The following ZNF282 variants were observed in gnomAD, a reference collection of about 807,000 sequenced individuals.
The protein encoded by ZNF282 is HTLV-I U5 repressive element-binding protein 1.
In ZNF282, 30 loss-of-function variants were observed where a neutral mutation model predicts 61.9. The observed-to-expected ratio is 0.48, with a 90% CI of 0.36 to 0.66. The LOEUF is 0.66. Among genes scored for constraint, ZNF282 ranks in the 30% least tolerant of loss-of-function variants. The pLI is 0.00. For synonymous variants in ZNF282, 396 were observed against 405.0 expected, an observed-to-expected ratio of 0.98 and a Z score of 0.27; for missense variants, 788 against 941.4, an observed-to-expected ratio of 0.84 and a Z score of 2.13.
chr7:149,210,469 G>C lies in ZNF282; in HGVS notation c.833-116G>C, dbSNP rs1426198598. 4 of 1,522,346 alleles carry C rather than the reference G, an allele frequency of 2.6e-6. No homozygotes were observed. In the Admixed American group the frequency reaches 8.1e-5, roughly 31 times the overall value. 94.3% of individuals were successfully genotyped at this position (1,522,346 alleles called of 1,614,324 possible). On this transcript the variant is annotated intron_variant, in intron 4 of 7. Coordinates refer to ENST00000610704, the MANE Select transcript of ZNF282 (RefSeq NM_003575.4). ...CATGCTTCTGAGCCCAGAATGTCCT[G>C]GTGACCAGCATGCAGAAAAAAAGAC...
At chr7:149,212,116 C>A (rs980793971) in intron 5 of ZNF282, among the ~76,000 whole-genome samples, 2 of 152,172 alleles carry the variant, frequency 1.3e-5, no homozygotes, top group African/African-American at 4.8e-5. Context: ...TCCTGCAGCA[C>A]AGAAAGGCTC....
intron 7 of ZNF282, among the ~76,000 whole-genome samples, chr7:149,220,923 T>TG (rs1554471496): frequency 6.0e-5 from 4 of 66,878 alleles, no homozygotes; most frequent in East Asian, 6.9e-4. Flanking sequence ...GAGGGTTTTT[T>TG]TTTTTTTTTT....
rs1220328635 is a variant in ZNF282 at position 149,223,855 on chromosome 7, A to C, written c.1224A>C (p.Pro408=). Residue 408 remains proline (P), a synonymous_variant, in exon 8 of 8, where the codon CCA becomes CCC. Coordinates refer to ENST00000610704, the MANE Select transcript of ZNF282 (RefSeq NM_003575.4). ...LMVKNPPPAP[P]QPQPQPQPPQ... Reference sequence around the variant, plus strand: ...TGAAGAACCCACCCCCGGCCCCGCCACAGCCCCAGCCCCAGCCCCAGCCAC... The same window carrying C: ...TGAAGAACCCACCCCCGGCCCCGCCCCAGCCCCAGCCCCAGCCCCAGCCAC... The C allele has an allele frequency of 1.7e-5, 22 of 1,292,538 alleles. No homozygotes were observed. The highest frequency in any genetic ancestry group is 1.1e-4 in the African/African-American group (7 of 63,940). The allele number at this position is 1,292,538 out of a possible 1,614,324, so 80.1% of individuals were successfully genotyped here. A position where few individuals can be genotyped will look rare whatever the true frequency, so the allele number is the denominator to read the frequency against.
Position 149,205,803 on chromosome 7 carries a change from G to A in ZNF282, c.586-893G>A, listed in dbSNP as rs7809248. ...GCTTTGGCCCTGTAAATGCAGATAC[G>A]TAGATGAATGGACTGTAATCACAGG... On this transcript the variant is annotated intron_variant, in intron 2 of 7. Coordinates refer to ENST00000610704, the MANE Select transcript of ZNF282 (RefSeq NM_003575.4). Among the ~76,000 whole-genome samples, 8 of 152,304 alleles carry A rather than the reference G, an allele frequency of 5.3e-5. No homozygotes were observed. In the East Asian group the frequency reaches 9.6e-4, roughly 18 times the overall value.
intron 3 of ZNF282, 86 bp from the exon 4 acceptor site, chr7:149,207,265 T>A: frequency 6.8e-7 from 1 of 1,475,884 alleles, no homozygotes; most frequent in Non-Finnish European, 9.1e-7. Flanking sequence ...GAGGGGGAGA[T>A]GGGGTAGGGG....
chr7:149,221,319 T>G (rs933464285), intron 7 of ZNF282, among the ~76,000 whole-genome samples: 5 of 152,242 alleles, frequency 3.3e-5, no homozygotes, highest in African/African-American at 1.2e-4. Flanking sequence ...CCCTTGCAAG[T>G]GCCTGGGCTG....
chr7:149,204,463 GT>G (rs1795962155), intron 2 of ZNF282, among the ~76,000 whole-genome samples: 1 of 152,120 alleles, frequency 6.6e-6, no homozygotes, highest in African/African-American at 2.4e-5. Flanking sequence ...TTGAGGGAAG[GT>G]TTTTCTGAGG....
At chr7:149,223,721 G>A (rs1796297495) in intron 7 of ZNF282, 91 bp from the exon 8 acceptor site, 4 of 1,316,888 alleles carry the variant, frequency 3.0e-6, no homozygotes, top group South Asian at 3.9e-5. Context: ...CTGAGGCTCA[G>A]ATAGCATGCT....
At chr7:149,211,733 C>T (rs1037552691) in intron 5 of ZNF282, among the ~76,000 whole-genome samples, 2 of 152,060 alleles carry the variant, frequency 1.3e-5, no homozygotes, top group Admixed American at 6.6e-5. Context: ...GGTAAGTGCT[C>T]ATAGTGTCTG....
chr7:149,215,023 T>C (rs1241365626), intron 7 of ZNF282, among the ~76,000 whole-genome samples: 1 of 152,102 alleles, frequency 6.6e-6, no homozygotes, highest in African/African-American at 2.4e-5. Context: ...TATTGACCTA[T>C]GACCCTAGGC....
intron 2 of ZNF282, among the ~76,000 whole-genome samples, chr7:149,205,330 C>T (rs887245724): frequency 2.0e-5 from 3 of 148,488 alleles, no homozygotes; most frequent in Non-Finnish European, 4.5e-5. Flanking sequence ...CCCAGCTACT[C>T]GGGAGGCTGA....
chr7:149,207,501 A>C (rs1414210793), intron 4 of ZNF282, 31 bp downstream of exon 4: 1 of 1,554,708 alleles, frequency 6.4e-7, no homozygotes, highest in Non-Finnish European at 8.7e-7. Flanking sequence ...TGCGGGGTCC[A>C]GGGAAGGGCG....
intron 7 of ZNF282, among the ~76,000 whole-genome samples, chr7:149,221,407 G>A (rs551556991): frequency 1.2e-4 from 19 of 152,250 alleles, no homozygotes; most frequent in South Asian, 2.1e-4. Flanking sequence ...TGGTGAGAAC[G>A]TGGATTGAGG....
rs1462187481 is a variant in ZNF282 at position 149,224,474 on chromosome 7, C to G, written c.1843C>G (p.Gln615Glu). 1 of 1,612,600 alleles carries G rather than the reference C, an allele frequency of 6.2e-7. No individual in the cohort carries two copies. The highest frequency in any genetic ancestry group is 8.5e-7 in the Non-Finnish European group (1 of 1,179,678). Residue 615 changes from glutamine to glutamate, a missense_variant, in exon 8 of 8, where the codon CAG becomes GAG. Gln to Glu is a conservative substitution (Grantham distance 29, BLOSUM62 2). Coordinates refer to ENST00000610704, the MANE Select transcript of ZNF282 (RefSeq NM_003575.4). ...GTGCGGCAAGAGCTTCATCCGCAAG[C>G]AGAACCTGCTCAAGCACCAGCGCAT... ...ALCGKSFIRKQNLLKHQRIHT... is the reference protein window; with the variant it reads ...ALCGKSFIRKENLLKHQRIHT...
rs1796339671 is a variant in ZNF282, at chr7:149,224,776, C to T, written c.*129C>T. The T allele has an allele frequency of 1.9e-5, 27 of 1,402,168 alleles. No individual in the cohort carries two copies. In the South Asian group the frequency reaches 4.1e-4, roughly 21 times the overall value. 86.9% of individuals were successfully genotyped at this position (1,402,168 alleles called of 1,614,324 possible). The stretch of plus-strand genomic sequence containing the variant: ...AGGCATTGCACTCCGGTTGGGGGTC[C>T]CCCAGGGTGGGGCAGGGATCCCCCA... On this transcript the variant is annotated 3_prime_UTR_variant, in exon 8 of 8. Coordinates refer to ENST00000610704, the MANE Select transcript of ZNF282 (RefSeq NM_003575.4).
chr7:149,206,572 C>A (rs577040092), intron 2 of ZNF282, 124 bp from the exon 3 acceptor site: 5 of 1,434,288 alleles, frequency 3.5e-6, no homozygotes, highest in Non-Finnish European at 4.8e-6. Flanking sequence ...ACAGTGGGGA[C>A]TGGGGAGCCA....
intron 2 of ZNF282, among the ~76,000 whole-genome samples, chr7:149,205,442 T>A (rs1178869158): frequency 2.6e-5 from 4 of 151,960 alleles, no homozygotes; most frequent in Admixed American, 6.6e-5. Context: ...TCTCAAAAAA[T>A]AAATAAATAA....
In ZNF282 at chr7:149,213,732, A is replaced by C. The variant is rs1563179113; in HGVS notation, c.1098A>C (p.Ser366=). 1 of 1,613,798 alleles carries C rather than the reference A, an allele frequency of 6.2e-7. No individual in the cohort carries two copies. Among genetic ancestry groups the C allele is most frequent in the Non-Finnish European group, 8.5e-7 (1 of 1,179,968 alleles). Residue 366 remains serine (S), a synonymous_variant, in exon 7 of 8, where the codon TCA becomes TCC. Coordinates refer to ENST00000610704, the MANE Select transcript of ZNF282 (RefSeq NM_003575.4). ...TCATCTCAGCACATGACATTTTGTC[A>C]TGGATCAAGCAGGAGGAGCAGCCAT... ...ESLISAHDIL[S]WIKQEEQPYP... is the part of the protein sequence containing the mutation.
At chr7:149,219,987 CAT>C (rs1210212144) in intron 7 of ZNF282, among the ~76,000 whole-genome samples, 1 of 152,144 alleles carries the variant, frequency 6.6e-6, no homozygotes, top group Non-Finnish European at 1.5e-5. Flanking sequence ...ACAGAAATGA[CAT>C]GTGAGGAGCT....
Sources: allele counts gnomAD v4.1 joint callset (sites outside exome capture counted in the v4.1 genomes callset), GRCh38; gene constraint gnomAD v4.1.1; transcripts MANE v1.5; gene names NCBI Gene and HGNC (gene_info 2026-07-23, HGNC 2026-07-21).